NPC1: variants seen among roughly 807,000 people sequenced by gnomAD.
The protein encoded by NPC1 is Niemann-Pick C1 protein.
Under a neutral mutation model 140.4 loss-of-function variants are expected in NPC1, and 85 were observed. That is an observed-to-expected ratio of 0.61 (90% CI 0.51 to 0.72). The LOEUF is 0.72. NPC1 is among the 30% of genes least tolerant of loss of function. The pLI, the probability that NPC1 is intolerant of heterozygous loss-of-function variation, is 0.00. For missense variants in NPC1, 1,504 were observed against 1,623.8 expected, an observed-to-expected ratio of 0.93 and a Z score of 1.27; for synonymous variants, 656 against 624.8, an observed-to-expected ratio of 1.05 and a Z score of -0.74.
At position 23,560,329 on chromosome 18, in the gene NPC1, C is replaced by T. The variant is rs770731602; in HGVS notation, c.783G>A (p.Thr261=). The change falls in exon 6 of 25, where the codon ACG becomes ACA. Residue 261 remains threonine, a synonymous_variant. Transcript: ENST00000269228. ...PQPPPPPAPW[T]ILGLDAMYVI... Reference sequence around the variant, plus strand: ...CATACATGGCGTCCAAGCCAAGGATCGTCCAGGGAGCAGGAGGAGGTGGGG... The same window carrying T: ...CATACATGGCGTCCAAGCCAAGGATTGTCCAGGGAGCAGGAGGAGGTGGGG... 12 of 1,614,074 alleles carry T rather than the reference C, an allele frequency of 7.4e-6. No individual in the cohort carries two copies. Among genetic ancestry groups the T allele is most frequent in the African/African-American group, 4.0e-5 (3 of 74,930 alleles).
chr18:23,585,062 T>G (rs115715123), intron 1 of NPC1, among the ~76,000 whole-genome samples: 187 of 152,056 alleles, frequency 1.2e-3, no homozygotes, highest in African/African-American at 4.4e-3. Flanking sequence ...TAAATAAATT[T>G]TAAAAATAAA....
chr18:23,560,135 C>T (rs1232649672), intron 6 of NPC1, 96 bp downstream of exon 6: 2 of 1,471,630 alleles, frequency 1.4e-6, no homozygotes, highest in African/African-American at 2.8e-5. Context: ...GTATTTGTTT[C>T]TTGTCCTAAG....
chr18:23,567,810 A>G (rs1235261498), intron 4 of NPC1, among the ~76,000 whole-genome samples: 1 of 152,244 alleles, frequency 6.6e-6, no homozygotes, highest in Non-Finnish European at 1.5e-5. Flanking sequence ...GTGGTGGAGT[A>G]CATTAGTATT....
Position 23,554,872 on chromosome 18 carries a change from G to A in NPC1, c.1439C>T (p.Thr480Ile), listed in dbSNP as rs1186753418. Reference protein sequence around the residue: ...APLSPYNTNCTILSVLNYFQN... With the variant: ...APLSPYNTNCIILSVLNYFQN... ...GAAGTAATTTAACACACTCAAAATG[G>A]TGCAGTTCGTGTTATACGGTGAAAG... Residue 480 changes from threonine to isoleucine, a missense_variant, in exon 9 of 25, where the codon ACC (threonine) becomes ATC (isoleucine). Physicochemically the swap from Thr to Ile is moderately conservative, Grantham distance 89. Transcript: ENST00000269228. The A allele has an allele frequency of 3.7e-6, 6 of 1,614,032 alleles. No homozygotes were observed. The South Asian group carries it at 6.6e-5, about 18-fold the overall frequency.
chr18:23,508,174 C>A, intron 3 of NPC1: 1 of 736,870 alleles, frequency 1.4e-6, no homozygotes, highest in South Asian at 3.0e-5. Context: ...GATTCCCAAA[C>A]TGGAGTCAGG....
intron 3 of NPC1, among the ~76,000 whole-genome samples, chr18:23,514,765 T>G (rs1372007371): frequency 6.6e-6 from 1 of 152,112 alleles, no homozygotes; most frequent in African/African-American, 2.4e-5. Flanking sequence ...CCTAGATGGC[T>G]TCAGATCTTC....
intron 8 of NPC1, 44 bp from the exon 9 acceptor site, chr18:23,555,028 C>T: frequency 4.9e-6 from 6 of 1,232,054 alleles, no homozygotes; most frequent in Non-Finnish European, 7.2e-6. Context: ...AAACACGTCA[C>T]ATTTCTCTCA....
chr18:23,513,684 C>T (rs572980242), intron 3 of NPC1, among the ~76,000 whole-genome samples: 154 of 152,342 alleles, frequency 1.0e-3, no homozygotes, highest in South Asian at 1.0e-3. Flanking sequence ...CCCAGTTTCT[C>T]CATATCCTCA....
intron 1 of NPC1, chr18:23,576,499 T>A: frequency 1.0e-6 from 1 of 990,036 alleles, no homozygotes; most frequent in Non-Finnish European, 1.2e-6. Context: ...GGCGGTGTCC[T>A]AGGCTTAGGC....
chr18:23,586,499 T>G lies in NPC1; in HGVS notation c.-156A>C. The G allele has an allele frequency of 7.1e-7, 1 of 1,414,498 alleles. No individual in the cohort carries two copies. The allele number at this position is 1,414,498 out of a possible 1,614,324, so 87.6% of individuals were successfully genotyped here. A position where few individuals can be genotyped will look rare whatever the true frequency, so the allele number is the denominator to read the frequency against. On this transcript the variant is annotated 5_prime_UTR_variant, in exon 1 of 25. Transcript: ENST00000269228. The stretch of plus-strand genomic sequence containing the variant: ...CGCGGCAGCAGGCTGCGCGCGCCGG[T>G]CAGGAAGGAAGAAGGCGTCGTCGGC...
At chr18:23,583,106 CAAAAAAAAAAA>C (rs3083464) in intron 1 of NPC1, among the ~76,000 whole-genome samples, 8 of 110,010 alleles carry the variant, frequency 7.3e-5, no homozygotes, top group African/African-American at 2.2e-4. Flanking sequence ...GACCCTGTTT[CAAAAAAAAAAA>C]AAAAAAAAAG....
rs202140203 is a variant in NPC1 at position 23,545,006 on chromosome 18, T to A, written c.1901A>T (p.Tyr634Phe). 2 of 1,542,408 alleles carry A rather than the reference T, an allele frequency of 1.3e-6. No individual in the cohort carries two copies. Among genetic ancestry groups the A allele is most frequent in the African/African-American group, 2.8e-5 (2 of 70,796 alleles). Residue 634 changes from tyrosine to phenylalanine, a missense_variant, in exon 12 of 25, where the codon TAT (tyrosine) becomes TTT (phenylalanine). Transcript: ENST00000269228. ...VVISYAIMFL[Y>F]ISLALGHMKS... ...CATGTGCCCCAAGGCTAGGGAAATATATAGAAACATGATGGCATAGCTAAT... is the reference window on the plus strand; with the variant it reads ...CATGTGCCCCAAGGCTAGGGAAATAAATAGAAACATGATGGCATAGCTAAT...
chr18:23,529,225 C>T (rs780377353), downstream of NPC1: 29 of 1,613,878 alleles, frequency 1.8e-5, no homozygotes, highest in African/African-American at 2.7e-5. Context: ...CTCAAGAGGC[C>T]GGTGCGGACC....
intron 11 of NPC1, among the ~76,000 whole-genome samples, chr18:23,547,045 C>T (rs568421849): frequency 3.3e-5 from 5 of 152,014 alleles, no homozygotes; most frequent in Admixed American, 6.5e-5. Context: ...CTTGAACTCC[C>T]GGCCTCAAGT....
At chr18:23,556,071 C>A (rs1490694685) in intron 8 of NPC1, among the ~76,000 whole-genome samples, 172 bp downstream of exon 8, 2 of 152,146 alleles carry the variant, frequency 1.3e-5, no homozygotes, top group Non-Finnish European at 2.9e-5. Flanking sequence ...AGTTCAACAT[C>A]ATTCACTTTC....
chr18:23,538,124 A>G (rs1030703891), intron 20 of NPC1, among the ~76,000 whole-genome samples: 3 of 152,190 alleles, frequency 2.0e-5, no homozygotes, highest in Non-Finnish European at 4.4e-5. Context: ...GACGAGGCTA[A>G]AAGAATCGCA....
downstream of NPC1, chr18:23,527,701 C>T (rs1035960371): frequency 3.1e-5 from 28 of 909,772 alleles, no homozygotes; most frequent in Non-Finnish European, 3.9e-5. Context: ...CATTGGTAAC[C>T]TTTTGAGATT....
At chr18:23,567,946 G>A (rs115430338) in intron 4 of NPC1, among the ~76,000 whole-genome samples, 4,409 of 151,926 alleles carry the variant, frequency 0.029, 69 homozygotes, top group Middle Eastern at 0.061. Flanking sequence ...CTAGATAACA[G>A]TTGTTTATAT....
At chr18:23,532,829 C>CT in intron 24 of NPC1, 1 of 961,304 alleles carries the variant, frequency 1.0e-6, no homozygotes, top group Non-Finnish European at 1.2e-6. Flanking sequence ...AGTGACAAAG[C>CT]TATAAATGAA....
Sources: allele counts gnomAD v4.1 joint callset (sites outside exome capture counted in the v4.1 genomes callset), GRCh38; gene constraint gnomAD v4.1.1; transcripts MANE v1.5; gene names NCBI Gene and HGNC (gene_info 2026-07-23, HGNC 2026-07-21).